The following ATXN1 variants were observed in gnomAD, a reference collection of about 807,000 sequenced individuals.
ATXN1 encodes the protein ataxin-1.
A neutral mutation model predicts 56.4 loss-of-function variants in ATXN1; 8 were observed. The observed-to-expected ratio is 0.14, with a 90% CI of 0.08 to 0.26. ATXN1 has a LOEUF of 0.26. ATXN1 is among the 10% of genes least tolerant of loss of function. The pLI is 1.00. For synonymous variants in ATXN1, 514 were observed against 494.6 expected (o/e 1.04, Z -0.52); for missense variants, 987 against 1,106.5 (o/e 0.89, Z 1.53).
intron 3 of ATXN1, among the ~76,000 whole-genome samples, chr6:16,587,277 C>G (rs1212541668): frequency 6.6e-6 from 1 of 152,090 alleles, no homozygotes; most frequent in Non-Finnish European, 1.5e-5. Context: ...GCCTAAGCGG[C>G]TAAATTTCAT....
In ATXN1 at chr6:16,559,976, C is replaced by G. The variant is rs907923911; in HGVS notation, c.-361+25804G>C. Among the ~76,000 whole-genome samples the G allele has an allele frequency of 2.6e-5, 4 of 152,094 alleles. No homozygotes were observed. The East Asian group carries it at 7.7e-4, about 29-fold the overall frequency. On this transcript the variant is annotated intron_variant, in intron 4 of 7. Transcript: ENST00000436367. ...TGTACACATGTCTGCACCGCCTCCCCACCCCACCATCACAGGAGACGGGAC... is the reference window on the plus strand; with the variant it reads ...TGTACACATGTCTGCACCGCCTCCCGACCCCACCATCACAGGAGACGGGAC...
At chr6:16,331,093 C>T (rs1003467497) in intron 6 of ATXN1, among the ~76,000 whole-genome samples, 3 of 152,180 alleles carry the variant, frequency 2.0e-5, no homozygotes, top group Non-Finnish European at 2.9e-5. Flanking sequence ...CTCCGCCTCC[C>T]GGGTTCAAGC....
At chr6:16,729,443 C>A (rs1002005324) in intron 2 of ATXN1, among the ~76,000 whole-genome samples, 6 of 152,156 alleles carry the variant, frequency 3.9e-5, no homozygotes, top group Admixed American at 3.9e-4. Context: ...TATTTACTCA[C>A]CCTGAAACTG....
intron 7 of ATXN1, among the ~76,000 whole-genome samples, chr6:16,307,874 C>T (rs11970452): frequency 0.098 from 14,905 of 152,120 alleles, 1,213 homozygotes; most frequent in African/African-American, 0.22. Context: ...AGTAAAAAGG[C>T]CAGGCGCGGT....
intron 7 of ATXN1, among the ~76,000 whole-genome samples, chr6:16,319,173 G>T (rs1308225732): frequency 6.6e-6 from 1 of 151,508 alleles, no homozygotes; most frequent in Admixed American, 6.6e-5. Context: ...AGCTATTATG[G>T]TGTCACTGCA....
chr6:16,613,478 G>A (rs926505401), intron 3 of ATXN1, among the ~76,000 whole-genome samples: 2 of 151,754 alleles, frequency 1.3e-5, no homozygotes, highest in Non-Finnish European at 1.5e-5. Context: ...CACAAATATT[G>A]AGAATGTTTT....
intron 6 of ATXN1, among the ~76,000 whole-genome samples, chr6:16,423,921 T>C (rs1318895774): frequency 6.6e-6 from 1 of 152,188 alleles, no homozygotes; most frequent in African/African-American, 2.4e-5. Flanking sequence ...ACGAAACTTA[T>C]GGATTGGACT....
chr6:16,440,075 C>CA (rs34556179), intron 6 of ATXN1, among the ~76,000 whole-genome samples: 17,739 of 111,456 alleles, frequency 0.16, 1,549 homozygotes, highest in East Asian at 0.49. Flanking sequence ...GACTTCGTCT[C>CA]AAAAAAAAAA....
At chr6:16,577,797 CAG>C (rs1231652673) in intron 4 of ATXN1, among the ~76,000 whole-genome samples, 2 of 152,216 alleles carry the variant, frequency 1.3e-5, no homozygotes, top group Admixed American at 6.5e-5. Flanking sequence ...TAAGAAATTG[CAG>C]AGTTATAGAA....
In ATXN1 at chr6:16,306,753, T is replaced by G; in HGVS notation, c.2024A>C (p.Lys675Thr). Reference sequence around the variant, plus strand: ...GATGCAGACATCCCCAACTGAGAGTTTGGAACACGGCAAATCAAAGAGCTG... The same window carrying G: ...GATGCAGACATCCCCAACTGAGAGTGTGGAACACGGCAAATCAAAGAGCTG... ...TSQLFDLPCS[K>T]LSVGDVCISL... Residue 675 changes from lysine (K) to threonine (T), a missense_variant, in exon 8 of 8, where the codon AAA becomes ACA. By Grantham distance (78) the Lys-to-Thr change is moderately conservative. Coordinates refer to ENST00000436367, the MANE Select transcript of ATXN1 (RefSeq NM_001128164.2). The surrounding 1 kb of genome is among the most constrained non-coding windows in gnomAD (Gnocchi z 5.2). The G allele has an allele frequency of 1.9e-6, 3 of 1,613,958 alleles. No homozygotes were observed. Among genetic ancestry groups the G allele is most frequent in the African/African-American group, 2.7e-5 (2 of 74,974 alleles).
chr6:16,656,722 G>A (rs1288732612), intron 3 of ATXN1, among the ~76,000 whole-genome samples: 2 of 152,138 alleles, frequency 1.3e-5, no homozygotes, highest in East Asian at 3.9e-4. Context: ...ATCATTTAAT[G>A]ACAGGGATAT....
intron 6 of ATXN1, among the ~76,000 whole-genome samples, chr6:16,459,693 C>G (rs1759951802): frequency 6.6e-6 from 1 of 152,198 alleles, no homozygotes; most frequent in Non-Finnish European, 1.5e-5. Context: ...CCACAAAACC[C>G]AACTTACATG....
chr6:16,471,617 A>C (rs1377662955), intron 6 of ATXN1, among the ~76,000 whole-genome samples: 3 of 152,074 alleles, frequency 2.0e-5, no homozygotes, highest in Admixed American at 6.6e-5. Flanking sequence ...CCTGGATTAG[A>C]TTCGCACCTC....
intron 6 of ATXN1, among the ~76,000 whole-genome samples, chr6:16,458,339 C>T (rs780081433): frequency 1.7e-4 from 26 of 152,134 alleles, no homozygotes; most frequent in Non-Finnish European, 3.4e-4. Flanking sequence ...CACCATAACT[C>T]AGGGAAAGGA....
At chr6:16,350,462 G>C in intron 6 of ATXN1, among the ~76,000 whole-genome samples, 1 of 152,168 alleles carries the variant, frequency 6.6e-6, no homozygotes, top group East Asian at 1.9e-4. Context: ...TTCTGCTAAC[G>C]GTTTTGCACC....
chr6:16,611,431 TA>T (rs1763103711), intron 3 of ATXN1, among the ~76,000 whole-genome samples: 1 of 152,100 alleles, frequency 6.6e-6, no homozygotes. Flanking sequence ...ACCAAAAGAA[TA>T]AAAAGATGAC....
intron 3 of ATXN1, among the ~76,000 whole-genome samples, chr6:16,613,851 A>G (rs1763158736): frequency 6.6e-6 from 1 of 152,030 alleles, no homozygotes; most frequent in South Asian, 2.1e-4. Flanking sequence ...TAATATAAAT[A>G]GAAATGACAA....
intron 4 of ATXN1, among the ~76,000 whole-genome samples, chr6:16,530,978 C>T (rs957112756): frequency 6.6e-6 from 1 of 152,208 alleles, no homozygotes; most frequent in Non-Finnish European, 1.5e-5. Flanking sequence ...AGTGTCCATA[C>T]ACCTTAATAA....
chr6:16,655,316 T>A (rs1240700181), intron 3 of ATXN1, among the ~76,000 whole-genome samples: 2 of 151,850 alleles, frequency 1.3e-5, no homozygotes, highest in African/African-American at 4.8e-5. Flanking sequence ...AGCCCAGGAG[T>A]TCCAGACCAG....
Sources: allele counts gnomAD v4.1 joint callset (sites outside exome capture counted in the v4.1 genomes callset), GRCh38; gene constraint gnomAD v4.1.1; non-coding constraint Gnocchi (gnomAD v3.1); transcripts MANE v1.5; gene names NCBI Gene and HGNC (gene_info 2026-07-23, HGNC 2026-07-21).